Variants in IAH1 observed in about 807,000 individuals in gnomAD.
IAH1 encodes isoamyl acetate-hydrolyzing esterase 1 homolog.
Under a neutral mutation model 26.7 loss-of-function variants are expected in IAH1, and 24 were observed. The ratio of observed to expected loss-of-function variants is 0.90; its 90% CI spans 0.65 to 1.26. The LOEUF (loss-of-function observed/expected upper bound fraction) is 1.26. Among genes scored for constraint, IAH1 ranks in the 50% most tolerant of loss-of-function variants. The pLI is 0.00. For missense variants in IAH1, 300 were observed against 299.9 expected (o/e 1.00, Z 0.00); for synonymous variants, 140 against 118.5 (o/e 1.18, Z -1.18).
exon 6 of IAH1, chr2:9,494,806 G>C: frequency 6.2e-7 from 1 of 1,608,154 alleles, no homozygotes; most frequent in Non-Finnish European, 8.5e-7. Flanking sequence ...GGATTGTTCT[G>C]AGACCTGCCT....
intron 5 of IAH1, 151 bp from the exon 6 acceptor site, chr2:9,487,996 G>T (rs1319876716): frequency 1.1e-5 from 6 of 546,906 alleles, no homozygotes; most frequent in Non-Finnish European, 1.9e-5. Context: ...ACCACACCCA[G>T]CTAATTTTTG....
downstream of IAH1, chr2:9,490,998 T>G: frequency 9.8e-7 from 1 of 1,021,676 alleles, no homozygotes; most frequent in East Asian, 2.4e-5. Flanking sequence ...CAACATGACC[T>G]TCCATCAGCC....
intron 4 of IAH1, 132 bp from the exon 5 acceptor site, chr2:9,484,300 A>AC (rs1661353372): frequency 4.1e-6 from 3 of 727,058 alleles, no homozygotes; most frequent in Non-Finnish European, 7.3e-6. Flanking sequence ...TATACCCTAA[A>AC]CCCCGGGGCT....
At chr2:9,506,813 G>A in the IAH1 span, 5 of 152,232 alleles carry the variant, frequency 3.3e-5, no homozygotes, top group Non-Finnish European at 5.9e-5. Flanking sequence ...AATTCACAGT[G>A]AACAGATAAG....
downstream of IAH1, among the ~76,000 whole-genome samples, chr2:9,492,689 C>A (rs1422735448): frequency 6.6e-6 from 1 of 152,120 alleles, no homozygotes; most frequent in Non-Finnish European, 1.5e-5. Flanking sequence ...TATTAAAACA[C>A]CAACACACAA....
At chr2:9,482,235 C>T (rs1661228489) in intron 4 of IAH1, among the ~76,000 whole-genome samples, 1 of 152,068 alleles carries the variant, frequency 6.6e-6, no homozygotes, top group African/African-American at 2.4e-5. Flanking sequence ...ACCATGTTGG[C>T]CAGGCTGGTC....
chr2:9,500,131 A>C (rs1354797052), downstream of IAH1, among the ~76,000 whole-genome samples: 1 of 152,250 alleles, frequency 6.6e-6, no homozygotes, highest in Admixed American at 6.5e-5. Context: ...ATAGCAAAAA[A>C]GTGGAAGCAA....
chr2:9,482,986 C>T (rs1572845236), intron 4 of IAH1, among the ~76,000 whole-genome samples: 1 of 152,170 alleles, frequency 6.6e-6, no homozygotes, highest in East Asian at 1.9e-4. Flanking sequence ...GGGCCTGCAG[C>T]CCTAACTGCT....
chr2:9,481,413 T>C lies in IAH1; in HGVS notation c.411T>C (p.Cys137=). Residue 137 remains cysteine, a synonymous_variant, in exon 4 of 6, where the codon TGT becomes TGC. Transcript: ENST00000497473. ...TTCTCATCACGCCGACCCCACTTTGTGAAACAGCCTGGGAAGAACAGTGCA... is the reference window on the plus strand; with the variant it reads ...TTCTCATCACGCCGACCCCACTTTGCGAAACAGCCTGGGAAGAACAGTGCA... ...RVILITPTPL[C]ETAWEEQCII... 6.2e-7 allele frequency: 1 copy of C among 1,614,108 alleles called. No homozygotes were observed. Among genetic ancestry groups the C allele is most frequent in the Non-Finnish European group, 8.5e-7 (1 of 1,180,026 alleles).
At chr2:9,503,097 G>A in the IAH1 span, among the ~76,000 whole-genome samples, 37 of 138,880 alleles carry the variant, frequency 2.7e-4, no homozygotes, top group Non-Finnish European at 4.3e-4. Context: ...CCAAGATCGC[G>A]CCACTGCACT....
chr2:9,487,829 T>TGCGC (rs1480132308), intron 5 of IAH1, among the ~76,000 whole-genome samples: 4 of 78,894 alleles, frequency 5.1e-5, no homozygotes, highest in Admixed American at 1.2e-4. Context: ...TGTGTGTGTG[T>TGCGC]GTGTGCGCGC....
chr2:9,505,171 C>T, the IAH1 span: 1 of 1,614,206 alleles, frequency 6.2e-7, no homozygotes, highest in South Asian at 1.1e-5. Flanking sequence ...CTCACCTGCA[C>T]TGGACACCTT....
At chr2:9,492,894 T>C (rs546255864), downstream of IAH1, 3 of 1,607,528 alleles carry the variant, frequency 1.9e-6, no homozygotes, top group South Asian at 2.2e-5. Flanking sequence ...AGTTGATGAC[T>C]TACCACACAA....
chr2:9,493,049 C>T, downstream of IAH1: 1 of 1,351,628 alleles, frequency 7.4e-7, no homozygotes, highest in Non-Finnish European at 1.0e-6. Flanking sequence ...AAGTGAAATG[C>T]TCTTAGGATA....
At chr2:9,504,930 C>CT in the IAH1 span, among the ~76,000 whole-genome samples, 2 of 152,082 alleles carry the variant, frequency 1.3e-5, no homozygotes, top group African/African-American at 4.8e-5. Flanking sequence ...GTTGCCCAGG[C>CT]TGTTCTCAAG....
At chr2:9,483,871 T>TG (rs1661327494) in intron 4 of IAH1, among the ~76,000 whole-genome samples, 1 of 152,230 alleles carries the variant, frequency 6.6e-6, no homozygotes, top group Non-Finnish European at 1.5e-5. Context: ...ATCATAAGAA[T>TG]GCAGAAAGCT....
chr2:9,492,755 C>A, downstream of IAH1: 1 of 603,434 alleles, frequency 1.7e-6, no homozygotes, highest in Non-Finnish European at 2.8e-6. Context: ...ACATGTTCCC[C>A]TAGGAATAAC....
chr2:9,509,824 C>T, the IAH1 span, among the ~76,000 whole-genome samples: 1 of 152,074 alleles, frequency 6.6e-6, no homozygotes, highest in African/African-American at 2.4e-5. Flanking sequence ...CGTGCTTCAC[C>T]CCAAAACACA....
downstream of IAH1, among the ~76,000 whole-genome samples, chr2:9,501,182 C>T (rs955256435): frequency 5.9e-5 from 9 of 151,882 alleles, no homozygotes; most frequent in African/African-American, 2.2e-4. Context: ...CAGGAGAAAT[C>T]TGAATAGCTG....
Sources: gnomAD v4.1 joint callset for allele counts (sites outside exome capture counted in the v4.1 genomes callset) on GRCh38, gnomAD v4.1.1 for gene constraint, MANE v1.5 for transcripts, NCBI Gene and HGNC (gene_info 2026-07-23, HGNC 2026-07-21) for gene names.